The following ZMYM4 variants were observed in gnomAD, a reference collection of about 807,000 sequenced individuals.
ZMYM4 encodes zinc finger MYM-type containing 4.
A neutral mutation model predicts 183.2 loss-of-function variants in ZMYM4; 31 were observed. The ratio of observed to expected loss-of-function variants is 0.17; its 90% CI spans 0.13 to 0.23. ZMYM4 has a LOEUF of 0.23. Ranked by LOEUF, ZMYM4 falls within the 10% of genes least tolerant of loss-of-function variation. ZMYM4 has a pLI of 1.00. For synonymous variants in ZMYM4, 592 were observed against 631.2 expected, an observed-to-expected ratio of 0.94 and a Z score of 0.93; for missense variants, 1,273 against 1,840.3, an observed-to-expected ratio of 0.69 and a Z score of 5.64.
chr1:35,372,259 T>A (rs544539270), intron 7 of ZMYM4, among the ~76,000 whole-genome samples: 3 of 152,322 alleles, frequency 2.0e-5, no homozygotes, highest in East Asian at 1.9e-4. Flanking sequence ...TTAAAAAATA[T>A]ATCTTTGAGT....
chr1:35,416,457 C>A (rs16837335), intron 28 of ZMYM4, among the ~76,000 whole-genome samples: 9,691 of 152,172 alleles, frequency 0.064, 905 homozygotes, highest in East Asian at 0.43. Context: ...AAACTTTTTT[C>A]TGAATTGTTC....
chr1:35,359,532 T>G, intron 3 of ZMYM4, 86 bp downstream of exon 3: 1 of 1,275,178 alleles, frequency 7.8e-7, no homozygotes, highest in Non-Finnish European at 1.1e-6. Context: ...TGATGTTAAG[T>G]GAAGTATGAA....
chr1:35,404,107 C>T (rs868097918), intron 23 of ZMYM4, among the ~76,000 whole-genome samples: 40 of 152,178 alleles, frequency 2.6e-4, no homozygotes, highest in African/African-American at 8.9e-4. Context: ...CTCAGTCACC[C>T]AGGCTGGAGT....
Position 35,270,788 on chromosome 1 carries a change from C to CA in ZMYM4, c.39+1713dup, listed in dbSNP as rs890291927. ...GGAGGCACTGTCTCAAAACCCCCTC[C>CA]AAAAAAAAAATTGCATTCCACTTGT... On this transcript the variant is annotated intron_variant, in intron 1 of 29. Transcript: ENST00000314607. Among the ~76,000 whole-genome samples the CA allele has an allele frequency of 4.4e-4, 65 of 148,324 alleles. No individual in the cohort carries two copies. The East Asian group carries it at 6.5e-3, about 15-fold the overall frequency.
At chr1:35,327,754 A>T (rs1642566000) in intron 2 of ZMYM4, among the ~76,000 whole-genome samples, 1 of 152,188 alleles carries the variant, frequency 6.6e-6, no homozygotes, top group Non-Finnish European at 1.5e-5. Flanking sequence ...GCAAAAGGAG[A>T]TCATGTCTGT....
chr1:35,379,022 G>A (rs906797890), intron 7 of ZMYM4, among the ~76,000 whole-genome samples: 11 of 152,194 alleles, frequency 7.2e-5, no homozygotes, highest in Non-Finnish European at 1.3e-4. Context: ...TGGCTTAAGG[G>A]AATGCTGTGG....
intron 1 of ZMYM4, among the ~76,000 whole-genome samples, chr1:35,317,936 G>A (rs1642119144): frequency 6.6e-6 from 1 of 152,102 alleles, no homozygotes; most frequent in Admixed American, 6.5e-5. Flanking sequence ...GAATGTCATA[G>A]TGGAAGTAAT....
intron 7 of ZMYM4, 100 bp downstream of exon 7, chr1:35,370,727 CTTTTTTT>C: frequency 6.0e-5 from 17 of 283,476 alleles, no homozygotes; most frequent in East Asian, 2.0e-4. Flanking sequence ...ACATTTATTC[CTTTTTTT>C]TTTTTTTTTT....
At position 35,349,947 on chromosome 1, in the gene ZMYM4, T is replaced by TG. The variant is rs1454147822; in HGVS notation, c.86-8978_86-8977insG. ...TCATTTTTTAATTTATATAATTTAA[T>TG]TTTTGTTTTTCATTTTTTATATATA... On this transcript the variant is annotated intron_variant, in intron 2 of 29. Transcript: ENST00000314607. Among the ~76,000 whole-genome samples, 3 of 129,688 alleles carry TG rather than the reference T, an allele frequency of 2.3e-5. No homozygotes were observed. The East Asian group carries it at 1.3e-3, about 56-fold the overall frequency. 85.1% of individuals were successfully genotyped at this position (129,688 alleles called of 152,430 possible). A position where few individuals can be genotyped will look rare whatever the true frequency, so the allele number is the denominator to read the frequency against.
intron 17 of ZMYM4, 37 bp from the exon 18 acceptor site, chr1:35,393,558 A>T (rs748188119): frequency 1.3e-6 from 2 of 1,539,808 alleles, no homozygotes; most frequent in Non-Finnish European, 1.7e-6. Context: ...TGAGATTTTT[A>T]AAAATGTTTT....
At chr1:35,382,340 A>G (rs1388127550) in intron 9 of ZMYM4, among the ~76,000 whole-genome samples, 5 of 151,478 alleles carry the variant, frequency 3.3e-5, no homozygotes, top group Admixed American at 2.6e-4. Context: ...CATAAGTAGT[A>G]TTTGTTGAAT....
At chr1:35,372,573 T>G (rs2148940267) in intron 7 of ZMYM4, among the ~76,000 whole-genome samples, 1 of 152,288 alleles carries the variant, frequency 6.6e-6, no homozygotes, top group East Asian at 1.9e-4. Context: ...TAGCTAGATT[T>G]AGGCATCGCA....
intron 1 of ZMYM4, among the ~76,000 whole-genome samples, chr1:35,291,137 T>G (rs915060439): frequency 1.3e-5 from 2 of 152,246 alleles, no homozygotes; most frequent in Non-Finnish European, 2.9e-5. Flanking sequence ...TTTTCATTTT[T>G]CTTGGGTAAA....
intron 1 of ZMYM4, among the ~76,000 whole-genome samples, chr1:35,277,477 T>C (rs765145282): frequency 5.4e-4 from 82 of 152,204 alleles, no homozygotes; most frequent in Non-Finnish European, 5.6e-4. Flanking sequence ...TGAATTCTTG[T>C]TGGATCGTTC....
chr1:35,285,577 G>GA (rs538415052), intron 1 of ZMYM4, among the ~76,000 whole-genome samples: 3 of 151,762 alleles, frequency 2.0e-5, no homozygotes, highest in South Asian at 2.1e-4. Context: ...AGGACCAGAG[G>GA]AAAAAAAATA....
intron 1 of ZMYM4, among the ~76,000 whole-genome samples, chr1:35,299,356 C>CA (rs968951091): frequency 1.0e-4 from 15 of 149,260 alleles, no homozygotes; most frequent in East Asian, 3.9e-4. Flanking sequence ...AAGAATGAAG[C>CA]AAAAAAAAAG....
At chr1:35,290,637 C>T (rs1411630641) in intron 1 of ZMYM4, among the ~76,000 whole-genome samples, 1 of 151,822 alleles carries the variant, frequency 6.6e-6, no homozygotes, top group African/African-American at 2.4e-5. Context: ...GCTATGTTGC[C>T]CAGGCTGGTC....
intron 1 of ZMYM4, among the ~76,000 whole-genome samples, chr1:35,302,262 C>T: frequency 7.7e-6 from 1 of 130,674 alleles, no homozygotes; most frequent in East Asian, 2.3e-4. Flanking sequence ...GGCTGGGGTG[C>T]AGTGGCACCA....
chr1:35,366,513 T>C (rs945650530), intron 5 of ZMYM4, among the ~76,000 whole-genome samples: 6 of 152,172 alleles, frequency 3.9e-5, no homozygotes, highest in African/African-American at 1.4e-4. Context: ...ATGAAAGAAT[T>C]AATAGAATTC....
Sources: gnomAD v4.1 joint callset for allele counts (sites outside exome capture counted in the v4.1 genomes callset) on GRCh38, gnomAD v4.1.1 for gene constraint, MANE v1.5 for transcripts, NCBI Gene and HGNC (gene_info 2026-07-23, HGNC 2026-07-21) for gene names.